CNTNAP5: variants seen among roughly 807,000 people sequenced by gnomAD.
The protein encoded by CNTNAP5 is contactin associated protein family member 5.
CNTNAP5 carries 72 observed loss-of-function variants against 150.2 expected under a neutral mutation model. The observed-to-expected ratio is 0.48, with a 90% CI of 0.40 to 0.58. The LOEUF (loss-of-function observed/expected upper bound fraction) is 0.58. Ranked by LOEUF, CNTNAP5 falls within the 20% of genes least tolerant of loss-of-function variation. CNTNAP5 has a pLI of 0.00. For synonymous variants in CNTNAP5, 672 were observed against 619.8 expected, an observed-to-expected ratio of 1.08 and a Z score of -1.25; for missense variants, 1,636 against 1,626.2, an observed-to-expected ratio of 1.01 and a Z score of -0.10.
At chr2:124,121,443 G>T (rs1408876466) in intron 1 of CNTNAP5, among the ~76,000 whole-genome samples, 1 of 152,098 alleles carries the variant, frequency 6.6e-6, no homozygotes, top group Non-Finnish European at 1.5e-5. Context: ...TCTGTATTTT[G>T]GTTTCACCGA....
chr2:124,766,429 G>A (rs1387348539), intron 16 of CNTNAP5, among the ~76,000 whole-genome samples: 1 of 151,872 alleles, frequency 6.6e-6, no homozygotes, highest in East Asian at 1.9e-4. Context: ...GACTGGAGGA[G>A]ATGACAGAGG....
chr2:124,522,081 G>A (rs1430230130), intron 8 of CNTNAP5, among the ~76,000 whole-genome samples: 1 of 152,160 alleles, frequency 6.6e-6, no homozygotes, highest in Non-Finnish European at 1.5e-5. Flanking sequence ...GAGCAGATGG[G>A]TCACAGCTGC....
At chr2:124,786,952 C>T (rs560665064) in intron 17 of CNTNAP5, among the ~76,000 whole-genome samples, 1 of 152,280 alleles carries the variant, frequency 6.6e-6, no homozygotes, top group East Asian at 1.9e-4. Flanking sequence ...GAGTTCATAA[C>T]TCACTGTGTC....
chr2:124,726,467 A>T (rs1680159362), intron 13 of CNTNAP5, among the ~76,000 whole-genome samples: 1 of 151,948 alleles, frequency 6.6e-6, no homozygotes, highest in South Asian at 2.1e-4. Context: ...TTCCCCTAAG[A>T]TTGTTAGTTT....
intron 13 of CNTNAP5, among the ~76,000 whole-genome samples, chr2:124,656,252 A>C (rs1678455784): frequency 6.6e-6 from 1 of 152,126 alleles, no homozygotes; most frequent in Non-Finnish European, 1.5e-5. Flanking sequence ...AGTCAAACCA[A>C]GCTCTTTCTA....
chr2:124,152,829 C>T (rs1684438048), intron 1 of CNTNAP5, among the ~76,000 whole-genome samples: 1 of 152,132 alleles, frequency 6.6e-6, no homozygotes, highest in Admixed American at 6.5e-5. Flanking sequence ...TACTTCTCCG[C>T]TTGGCAATCA....
chr2:124,530,438 G>T (rs112082982), intron 10 of CNTNAP5, among the ~76,000 whole-genome samples: 5,676 of 152,316 alleles, frequency 0.037, 143 homozygotes, highest in South Asian at 0.11. Context: ...TTGAGGTGGT[G>T]CCTAAGACCC....
chr2:124,659,031 G>T (rs528189850), intron 13 of CNTNAP5, among the ~76,000 whole-genome samples: 3 of 152,082 alleles, frequency 2.0e-5, no homozygotes, highest in Non-Finnish European at 4.4e-5. Flanking sequence ...CACTCCTACC[G>T]CCATGTGACC....
At chr2:124,694,526 A>G (rs953348968) in intron 13 of CNTNAP5, among the ~76,000 whole-genome samples, 1 of 152,192 alleles carries the variant, frequency 6.6e-6, no homozygotes, top group Non-Finnish European at 1.5e-5. Flanking sequence ...ATGATATAAA[A>G]AATAAAAATC....
intron 19 of CNTNAP5, among the ~76,000 whole-genome samples, chr2:124,862,846 C>T (rs1677554466): frequency 6.6e-6 from 1 of 152,124 alleles, no homozygotes; most frequent in Non-Finnish European, 1.5e-5. Flanking sequence ...ACATCACATT[C>T]GCGGGTGGAG....
chr2:124,906,814 A>G (rs1281401533), intron 22 of CNTNAP5, among the ~76,000 whole-genome samples: 2 of 152,060 alleles, frequency 1.3e-5, no homozygotes, highest in African/African-American at 2.4e-5. Flanking sequence ...TTTATGTTTC[A>G]CCATTTTATT....
intron 1 of CNTNAP5, among the ~76,000 whole-genome samples, chr2:124,119,837 G>C (rs1048090394): frequency 1.3e-5 from 2 of 152,166 alleles, no homozygotes; most frequent in African/African-American, 2.4e-5. Flanking sequence ...GAACAGAAAG[G>C]AAAGGAAGAA....
chr2:124,256,777 C>T (rs944263337), intron 3 of CNTNAP5, among the ~76,000 whole-genome samples: 3 of 152,142 alleles, frequency 2.0e-5, no homozygotes, highest in Non-Finnish European at 4.4e-5. Flanking sequence ...AAACTCACTT[C>T]TTTGGGTTAG....
At chr2:124,265,060 C>A (rs896216454) in intron 3 of CNTNAP5, among the ~76,000 whole-genome samples, 10 of 152,184 alleles carry the variant, frequency 6.6e-5, no homozygotes, top group African/African-American at 2.2e-4. Context: ...TGTGGGGAGA[C>A]TTCTCACTTA....
chr2:124,168,607 T>C (rs1345429852), intron 1 of CNTNAP5, among the ~76,000 whole-genome samples: 3 of 152,190 alleles, frequency 2.0e-5, no homozygotes, highest in African/African-American at 2.4e-5. Flanking sequence ...AGAATCTCAT[T>C]TGGGGATTAG....
At chr2:124,431,556 T>A (rs13429959) in intron 4 of CNTNAP5, among the ~76,000 whole-genome samples, 2 of 142,134 alleles carry the variant, frequency 1.4e-5, no homozygotes, top group Admixed American at 1.4e-4. Flanking sequence ...ATATTATATA[T>A]AATTTCTTTA....
At chr2:124,607,092 T>C (rs1677248086) in intron 11 of CNTNAP5, among the ~76,000 whole-genome samples, 1 of 152,204 alleles carries the variant, frequency 6.6e-6, no homozygotes, top group Non-Finnish European at 1.5e-5. Flanking sequence ...TGTAGTCTAA[T>C]GAGACAATTT....
At chr2:124,898,660 T>C (rs991767198) in intron 21 of CNTNAP5, among the ~76,000 whole-genome samples, 1 of 151,630 alleles carries the variant, frequency 6.6e-6, no homozygotes, top group African/African-American at 2.4e-5. Flanking sequence ...AGTGCTACAT[T>C]TGTTCAATTG....
chr2:124,052,237 A>T (rs1050895946), intron 1 of CNTNAP5, among the ~76,000 whole-genome samples: 2 of 152,218 alleles, frequency 1.3e-5, no homozygotes, highest in Admixed American at 6.5e-5. Flanking sequence ...TCAGATTAAG[A>T]TTAGAAATCA....
Sources: gnomAD v4.1 joint callset for allele counts (sites outside exome capture counted in the v4.1 genomes callset) on GRCh38, gnomAD v4.1.1 for gene constraint, MANE v1.5 for transcripts, NCBI Gene and HGNC (gene_info 2026-07-23, HGNC 2026-07-21) for gene names.